The following SNX29 variants were observed in gnomAD, a reference collection of about 807,000 sequenced individuals.
The protein encoded by SNX29 is sorting nexin 29.
In SNX29, 78 loss-of-function variants were observed where a neutral mutation model predicts 102.1. The ratio of observed to expected loss-of-function variants is 0.76; its 90% CI spans 0.64 to 0.92. The LOEUF is 0.92. Among genes scored for constraint, SNX29 ranks in the 40% least tolerant of loss-of-function variants. The pLI is 0.00. For synonymous variants in SNX29, 580 were observed against 414.5 expected (o/e 1.40, Z -4.85); for missense variants, 1,280 against 1,061.7 (o/e 1.21, Z -2.86).
At chr16:12,556,969 C>G (rs914186623) in intron 20 of SNX29, among the ~76,000 whole-genome samples, 1 of 149,786 alleles carries the variant, frequency 6.7e-6, no homozygotes, top group South Asian at 2.2e-4. Context: ...CCACTTCTGC[C>G]TCATGAGTAG....
At chr16:12,442,323 C>CT (rs904055626) in intron 18 of SNX29, among the ~76,000 whole-genome samples, 3 of 152,172 alleles carry the variant, frequency 2.0e-5, no homozygotes, top group African/African-American at 7.2e-5. Context: ...ATTACTCTGG[C>CT]TTATTAGGAC....
intron 11 of SNX29, among the ~76,000 whole-genome samples, chr16:12,101,083 T>G (rs1156340165): frequency 6.6e-6 from 1 of 152,140 alleles, no homozygotes; most frequent in East Asian, 1.9e-4. Flanking sequence ...AGCTGTTACT[T>G]CATTGGAGGG....
chr16:12,245,394 T>C (rs968022809), intron 14 of SNX29, among the ~76,000 whole-genome samples: 2 of 151,920 alleles, frequency 1.3e-5, no homozygotes, highest in African/African-American at 4.8e-5. Context: ...CTGTGACTGC[T>C]ACTTTCATTT....
At chr16:11,983,579 C>G in intron 1 of SNX29, 1 of 904,976 alleles carries the variant, frequency 1.1e-6, no homozygotes, top group Non-Finnish European at 1.3e-6. Flanking sequence ...CTGGATTGAT[C>G]TATGATGGTG....
intron 19 of SNX29, chr16:12,515,489 G>A (rs901906972): frequency 8.2e-6 from 4 of 485,710 alleles, no homozygotes; most frequent in East Asian, 4.9e-5. Context: ...AAACCCATTC[G>A]CTTCTCCTTG....
At position 12,571,862 on chromosome 16, in the gene SNX29, G is replaced by C. The variant is rs1024151646; in HGVS notation, c.*3233G>C. Reference sequence around the variant, plus strand: ...TATGCTCCAATCACGTTGCTGGCAAGGCATTTTAGAGTTTGGAGCTGAGGT... The same window carrying C: ...TATGCTCCAATCACGTTGCTGGCAACGCATTTTAGAGTTTGGAGCTGAGGT... On this transcript the variant is annotated 3_prime_UTR_variant, in exon 21 of 21. Coordinates refer to ENST00000566228, the MANE Select transcript of SNX29 (RefSeq NM_032167.5). 5 of 1,061,452 alleles carry C rather than the reference G, an allele frequency of 4.7e-6. No individual in the cohort carries two copies. The African/African-American group carries it at 4.9e-5, about 10-fold the overall frequency. The allele number at this position is 1,061,452 out of a possible 1,614,324, so 65.8% of individuals were successfully genotyped here. A position where few individuals can be genotyped will look rare whatever the true frequency, so the allele number is the denominator to read the frequency against.
chr16:12,506,685 G>T (rs558214961), intron 19 of SNX29, among the ~76,000 whole-genome samples: 1 of 152,162 alleles, frequency 6.6e-6, no homozygotes, highest in Admixed American at 6.5e-5. Flanking sequence ...TTCAGCAAAG[G>T]CAGCATATCA....
chr16:12,334,205 T>C (rs1040955012), intron 15 of SNX29, among the ~76,000 whole-genome samples: 3 of 152,094 alleles, frequency 2.0e-5, no homozygotes, highest in Non-Finnish European at 4.4e-5. Context: ...ACCTAAGCAG[T>C]CTGGAGATCT....
intron 3 of SNX29, among the ~76,000 whole-genome samples, chr16:12,011,127 T>C (rs2056636902): frequency 1.3e-5 from 2 of 151,684 alleles, no homozygotes; most frequent in South Asian, 4.1e-4. Flanking sequence ...TGAGGCTCTG[T>C]AGTAGACAGT....
In SNX29 at chr16:12,355,316, G is replaced by T. The variant is rs190595600; in HGVS notation, c.1783-847G>T. 3.3e-5 allele frequency among the ~76,000 whole-genome samples: 5 copies of T among 152,254 alleles called. 1 individual carries two copies. In the East Asian group the frequency reaches 9.6e-4, roughly 29 times the overall value. On this transcript the variant is annotated intron_variant, in intron 15 of 20. Transcript: ENST00000566228. ...TGTTTTTTCCACAGAGCTTCTCCCT[G>T]TATCCCTCCTTTACTCTGACAGTGT...
chr16:12,402,121 T>C (rs1195475134), intron 17 of SNX29, among the ~76,000 whole-genome samples: 1 of 152,228 alleles, frequency 6.6e-6, no homozygotes, highest in Non-Finnish European at 1.5e-5. Flanking sequence ...AAACCAGTTT[T>C]GATGGCTCAG....
intron 11 of SNX29, among the ~76,000 whole-genome samples, chr16:12,105,381 C>T (rs1292546191): frequency 6.6e-6 from 1 of 152,070 alleles, no homozygotes; most frequent in Non-Finnish European, 1.5e-5. Context: ...CACACCACCA[C>T]ACCTAGCTAG....
chr16:12,472,548 A>C (rs982923429), intron 18 of SNX29, among the ~76,000 whole-genome samples: 17 of 151,586 alleles, frequency 1.1e-4, no homozygotes, highest in African/African-American at 3.6e-4. Flanking sequence ...AAAAAACAAA[A>C]AAAAAAAGAA....
rs140891757 is a variant in SNX29 at position 12,377,742 on chromosome 16, T to C, written c.1900-20704T>C. 2.0e-5 allele frequency among the ~76,000 whole-genome samples: 3 copies of C among 152,300 alleles called. No homozygotes were observed. The East Asian group carries it at 5.8e-4, about 29-fold the overall frequency. On this transcript the variant is annotated intron_variant, in intron 16 of 20. Coordinates refer to ENST00000566228, the MANE Select transcript of SNX29 (RefSeq NM_032167.5). Reference sequence around the variant, plus strand: ...TCGGGCCTGCAGTTTACAAAACCTTTGTCTTCCTGAGCCACTCATTTAGCC... The same window carrying C: ...TCGGGCCTGCAGTTTACAAAACCTTCGTCTTCCTGAGCCACTCATTTAGCC...
chr16:12,355,564 G>C (rs1335744229), intron 15 of SNX29, among the ~76,000 whole-genome samples: 1 of 152,166 alleles, frequency 6.6e-6, no homozygotes, highest in Non-Finnish European at 1.5e-5. Context: ...CTTGGAGAGT[G>C]TAGCAGGATT....
intron 19 of SNX29, chr16:12,515,576 C>G (rs917704199): frequency 4.7e-5 from 23 of 491,558 alleles, no homozygotes; most frequent in Admixed American, 3.7e-4. Context: ...CCTGCATTGC[C>G]TCCTCTGAAT....
intron 15 of SNX29, among the ~76,000 whole-genome samples, chr16:12,305,150 C>T (rs547868642): frequency 1.4e-4 from 22 of 152,302 alleles, no homozygotes; most frequent in African/African-American, 4.6e-4. Flanking sequence ...ACTAGAATTT[C>T]GAGTCTGTGC....
chr16:12,564,334 C>T (rs2078898880), intron 20 of SNX29, among the ~76,000 whole-genome samples: 1 of 152,210 alleles, frequency 6.6e-6, no homozygotes, highest in African/African-American at 2.4e-5. Flanking sequence ...TACCTTATTT[C>T]AGTCATTTCA....
At chr16:12,059,911 A>T (rs1488489453) in intron 8 of SNX29, among the ~76,000 whole-genome samples, 1 of 152,206 alleles carries the variant, frequency 6.6e-6, no homozygotes, top group East Asian at 1.9e-4. Context: ...CTTAGTGCTG[A>T]TGGCCTTGGA....
Sources: gnomAD v4.1 joint callset for allele counts (sites outside exome capture counted in the v4.1 genomes callset) on GRCh38, gnomAD v4.1.1 for gene constraint, MANE v1.5 for transcripts, NCBI Gene and HGNC (gene_info 2026-07-23, HGNC 2026-07-21) for gene names.